ITPRID1: variants seen among roughly 807,000 people sequenced by gnomAD.
ITPRID1 encodes the protein ITPR interacting domain containing 1.
A neutral mutation model predicts 95.4 loss-of-function variants in ITPRID1; 96 were observed. That is an observed-to-expected ratio of 1.01 (90% confidence interval 0.85 to 1.19). The LOEUF (loss-of-function observed/expected upper bound fraction) is 1.19, where lower values mean the gene tolerates loss of function less well. ITPRID1 is among the 50% of genes most tolerant of loss of function. ITPRID1 has a pLI of 0.00. For synonymous variants in ITPRID1, 510 were observed against 453.6 expected, an observed-to-expected ratio of 1.12 and a Z score of -1.58; for missense variants, 1,339 against 1,252.9, an observed-to-expected ratio of 1.07 and a Z score of -1.04.
At position 31,654,342 on chromosome 7, in the gene ITPRID1, T is replaced by C. The variant is rs1233428221; in HGVS notation, c.*1513T>C. Reference sequence around the variant, plus strand: ...CAGTGCTGCTCAGTGCGGTGGGGCATGGAGATGGAGGGAGGGGAAGGCTGA... The same window carrying C: ...CAGTGCTGCTCAGTGCGGTGGGGCACGGAGATGGAGGGAGGGGAAGGCTGA... On this transcript the variant is annotated 3_prime_UTR_variant, in exon 15 of 15. Coordinates refer to ENST00000615280, the MANE Select transcript of ITPRID1 (RefSeq NM_001257967.3). 6.6e-6 allele frequency among the ~76,000 whole-genome samples: 1 copy of C among 151,974 alleles called. No individual in the cohort carries two copies. Among genetic ancestry groups the C allele is most frequent in the Non-Finnish European group, 1.5e-5 (1 of 67,992 alleles).
chr7:31,553,286 A>G, intron 3 of ITPRID1, 99 bp downstream of exon 3: 1 of 1,193,596 alleles, frequency 8.4e-7, no homozygotes. Flanking sequence ...GAACAAAAGT[A>G]TTTGGCTTTG....
chr7:31,627,563 C>CAGG (rs1788578530), intron 10 of ITPRID1, among the ~76,000 whole-genome samples: 1 of 145,128 alleles, frequency 6.9e-6, no homozygotes, highest in Non-Finnish European at 1.5e-5. Context: ...GAGGCTGAGG[C>CAGG]AGGAGGATTG....
At chr7:31,586,502 T>C (rs1475138927) in intron 10 of ITPRID1, among the ~76,000 whole-genome samples, 2 of 151,224 alleles carry the variant, frequency 1.3e-5, no homozygotes. Context: ...CCAGCACCTG[T>C]TGTTTCCTGA....
chr7:31,622,099 A>G (rs1787964447), intron 10 of ITPRID1, among the ~76,000 whole-genome samples: 1 of 139,448 alleles, frequency 7.2e-6, no homozygotes, highest in African/African-American at 2.7e-5. Context: ...ACCCAGATTC[A>G]TAAAGCAAGT....
chr7:31,514,562 T>TGAGG (rs1782991264), intron 1 of ITPRID1, among the ~76,000 whole-genome samples: 1 of 152,070 alleles, frequency 6.6e-6, no homozygotes, highest in African/African-American at 2.4e-5. Context: ...TTCCAGGGAA[T>TGAGG]GAGGGAGAGA....
At chr7:31,552,514 G>A (rs998900974) in intron 2 of ITPRID1, among the ~76,000 whole-genome samples, 2 of 152,156 alleles carry the variant, frequency 1.3e-5, no homozygotes, top group African/African-American at 4.8e-5. Flanking sequence ...TTAGAAATAA[G>A]GGAATGCAGA....
In ITPRID1 at chr7:31,565,181, C is replaced by G. The variant is rs554265559; in HGVS notation, c.257-4577C>G. On this transcript the variant is annotated intron_variant, in intron 5 of 14. Transcript: ENST00000615280. ...CTGCAATGATCAGGAAGTAAACTCA[C>G]AGTAACGCTGTGAAAATACCCCTTG... is the stretch of plus-strand genomic sequence containing the variant. Among the ~76,000 whole-genome samples, 4 of 152,302 alleles carry G rather than the reference C, an allele frequency of 2.6e-5. No individual in the cohort carries two copies. In the South Asian group the frequency reaches 6.2e-4, roughly 24 times the overall value.
At chr7:31,612,292 ATTTT>A (rs1191202679) in intron 10 of ITPRID1, among the ~76,000 whole-genome samples, 7 of 152,066 alleles carry the variant, frequency 4.6e-5, no homozygotes, top group African/African-American at 1.7e-4. Context: ...ATAATAACTA[ATTTT>A]TTGTTTTTGT....
At chr7:31,586,692 T>G (rs1315763864) in intron 10 of ITPRID1, among the ~76,000 whole-genome samples, 1 of 152,052 alleles carries the variant, frequency 6.6e-6, no homozygotes, top group African/African-American at 2.4e-5. Context: ...GGGTTGTCTG[T>G]TTTTTTCTTG....
intron 12 of ITPRID1, among the ~76,000 whole-genome samples, chr7:31,649,085 A>T (rs1790736243): frequency 6.6e-6 from 1 of 152,228 alleles, no homozygotes; most frequent in Non-Finnish European, 1.5e-5. Context: ...GTAATTGCAA[A>T]ATTGCAAAAT....
intron 12 of ITPRID1, 124 bp from the exon 13 acceptor site, chr7:31,651,018 A>G: frequency 2.0e-6 from 2 of 1,008,818 alleles, no homozygotes; most frequent in Non-Finnish European, 2.8e-6. Flanking sequence ...CCTCCCCCTT[A>G]TATTAGCAGT....
chr7:31,521,290 A>T (rs1204832595), intron 1 of ITPRID1, among the ~76,000 whole-genome samples: 2 of 152,140 alleles, frequency 1.3e-5, no homozygotes, highest in African/African-American at 4.8e-5. Flanking sequence ...TTAAGTTCAA[A>T]ATATTTTTCT....
intron 1 of ITPRID1, among the ~76,000 whole-genome samples, chr7:31,521,474 C>T (rs1470515585): frequency 6.6e-6 from 1 of 152,152 alleles, no homozygotes; most frequent in Non-Finnish European, 1.5e-5. Flanking sequence ...AGGTGTATTG[C>T]ATAACCTAGA....
intron 10 of ITPRID1, among the ~76,000 whole-genome samples, chr7:31,586,815 C>G (rs1785634449): frequency 6.6e-6 from 1 of 151,766 alleles, no homozygotes; most frequent in South Asian, 2.1e-4. Context: ...ACGGTAGTTT[C>G]TTTTGCTGTG....
intron 10 of ITPRID1, among the ~76,000 whole-genome samples, chr7:31,625,641 A>T (rs1209025964): frequency 6.6e-6 from 1 of 151,822 alleles, no homozygotes; most frequent in Non-Finnish European, 1.5e-5. Flanking sequence ...AGGAGGGGGG[A>T]GGGATAGCAC....
intron 10 of ITPRID1, among the ~76,000 whole-genome samples, chr7:31,586,350 T>C (rs1321476122): frequency 1.3e-5 from 2 of 149,518 alleles, no homozygotes; most frequent in African/African-American, 2.5e-5. Context: ...TTTGGGTATA[T>C]ACCCAGTAAT....
chr7:31,520,344 T>G (rs1046127783), intron 1 of ITPRID1, among the ~76,000 whole-genome samples: 5 of 152,174 alleles, frequency 3.3e-5, no homozygotes, highest in African/African-American at 9.7e-5. Flanking sequence ...TCCATACTTA[T>G]TTTTTGAAAG....
intron 12 of ITPRID1, 102 bp from the exon 13 acceptor site, chr7:31,651,040 G>A: frequency 1.5e-6 from 2 of 1,355,350 alleles, no homozygotes; most frequent in Non-Finnish European, 2.0e-6. Flanking sequence ...GGGCCTGTTT[G>A]CGAAAAAAGG....
chr7:31,632,933 C>G (rs1430900472), intron 10 of ITPRID1, among the ~76,000 whole-genome samples: 1 of 151,902 alleles, frequency 6.6e-6, no homozygotes, highest in Non-Finnish European at 1.5e-5. Flanking sequence ...TGTCGCCAGG[C>G]TGGAGTGCTG....
Sources: gnomAD v4.1 joint callset for allele counts (sites outside exome capture counted in the v4.1 genomes callset) on GRCh38, gnomAD v4.1.1 for gene constraint, MANE v1.5 for transcripts, NCBI Gene and HGNC (gene_info 2026-07-23, HGNC 2026-07-21) for gene names.